Variants in PTPN13 observed in about 807,000 individuals in gnomAD.
PTPN13 encodes protein tyrosine phosphatase non-receptor type 13, also known as tyrosine-protein phosphatase non-receptor type 13.
PTPN13 carries 191 observed loss-of-function variants against 284.0 expected under a neutral mutation model. The observed-to-expected ratio is 0.67, with a 90% CI of 0.60 to 0.76. PTPN13 has a LOEUF of 0.76. PTPN13 is among the 30% of genes least tolerant of loss of function. The probability of loss-of-function intolerance (pLI) is 0.00; values close to 1 mark genes in which losing one functional copy is unlikely to be tolerated. For synonymous variants in PTPN13, 986 were observed against 1,022.3 expected, an observed-to-expected ratio of 0.96 and a Z score of 0.68; for missense variants, 2,797 against 2,939.9, an observed-to-expected ratio of 0.95 and a Z score of 1.12.
intron 15 of PTPN13, among the ~76,000 whole-genome samples, chr4:86,739,395 C>T (rs1177750862): frequency 6.6e-6 from 1 of 152,120 alleles, no homozygotes. Context: ...GCCTCACAAT[C>T]ACGGTGGAAG....
chr4:86,629,104 A>C (rs1201529530), intron 1 of PTPN13, among the ~76,000 whole-genome samples: 7 of 151,026 alleles, frequency 4.6e-5, no homozygotes, highest in Non-Finnish European at 8.9e-5. Context: ...AATGGGATCT[A>C]ATTAAACTCA....
At chr4:86,658,429 G>C (rs1266281591) in intron 2 of PTPN13, among the ~76,000 whole-genome samples, 1 of 152,090 alleles carries the variant, frequency 6.6e-6, no homozygotes, top group Non-Finnish European at 1.5e-5. Context: ...TGATCTTTTT[G>C]TTCTTATGAA....
At chr4:86,761,537 C>G (rs1019974488) in intron 23 of PTPN13, among the ~76,000 whole-genome samples, 2 of 152,122 alleles carry the variant, frequency 1.3e-5, no homozygotes, top group South Asian at 4.1e-4. Context: ...ATAGACTAAC[C>G]AAGTAGATAT....
At chr4:86,693,719 C>T in intron 6 of PTPN13, 45 bp downstream of exon 6, 1 of 1,361,560 alleles carries the variant, frequency 7.3e-7, no homozygotes, top group Non-Finnish European at 9.9e-7. Flanking sequence ...AACCTTATCC[C>T]ATTGTTTTCT....
chr4:86,800,875 C>G (rs1328652960), intron 42 of PTPN13, among the ~76,000 whole-genome samples: 1 of 152,184 alleles, frequency 6.6e-6, no homozygotes, highest in African/African-American at 2.4e-5. Context: ...ACATGCAGTT[C>G]TGTAAAAGTT....
At chr4:86,660,725 G>A (rs916122922) in intron 2 of PTPN13, among the ~76,000 whole-genome samples, 4 of 152,082 alleles carry the variant, frequency 2.6e-5, no homozygotes, top group Non-Finnish European at 1.5e-5. Flanking sequence ...TATATAACAT[G>A]CTTAATATGA....
chr4:86,758,793 A>T lies in PTPN13; in HGVS notation c.3421+8A>T, dbSNP rs1738319277. 3 of 1,609,556 alleles carry T rather than the reference A, an allele frequency of 1.9e-6. No homozygotes were observed. The highest frequency in any genetic ancestry group is 1.1e-5 in the South Asian group (1 of 90,438). ...ATGGATGCTTGAAGCCAGGTACTTTACATTTTGGTAGTTTTCTAAGTATTT... is the reference window on the plus strand; with the variant it reads ...ATGGATGCTTGAAGCCAGGTACTTTTCATTTTGGTAGTTTTCTAAGTATTT... On this transcript the variant is annotated splice_region_variant and intron_variant, in intron 22 of 47. Coordinates refer to ENST00000411767, the MANE Select transcript of PTPN13 (RefSeq NM_080683.3).
At chr4:86,685,662 T>C (rs561239553) in intron 3 of PTPN13, among the ~76,000 whole-genome samples, 1 of 152,324 alleles carries the variant, frequency 6.6e-6, no homozygotes, top group South Asian at 2.1e-4. Flanking sequence ...TATTGGTCAA[T>C]TTTTAGATTG....
intron 3 of PTPN13, among the ~76,000 whole-genome samples, chr4:86,674,638 A>G (rs1324877040): frequency 6.6e-6 from 1 of 152,216 alleles, no homozygotes; most frequent in East Asian, 1.9e-4. Flanking sequence ...ACAAGCAACC[A>G]TTGAAAGGAG....
chr4:86,690,504 C>G (rs1578421868), intron 5 of PTPN13, among the ~76,000 whole-genome samples: 1 of 152,114 alleles, frequency 6.6e-6, no homozygotes, highest in African/African-American at 2.4e-5. Flanking sequence ...ATTTCCCAAA[C>G]TTTCTTGGTC....
intron 1 of PTPN13, among the ~76,000 whole-genome samples, chr4:86,607,157 T>TA (rs1445843449): frequency 6.6e-6 from 1 of 151,768 alleles, no homozygotes; most frequent in Non-Finnish European, 1.5e-5. Context: ...ATCTTTTTTT[T>TA]AAAAAAAGTC....
At chr4:86,686,517 A>G (rs930572895) in intron 3 of PTPN13, among the ~76,000 whole-genome samples, 193 bp from the exon 4 acceptor site, 1 of 152,230 alleles carries the variant, frequency 6.6e-6, no homozygotes, top group African/African-American at 2.4e-5. Flanking sequence ...TTAGGAAAAC[A>G]TCTGTTGTAA....
At chr4:86,715,131 A>G (rs1732868807) in intron 7 of PTPN13, among the ~76,000 whole-genome samples, 1 of 152,196 alleles carries the variant, frequency 6.6e-6, no homozygotes, top group African/African-American at 2.4e-5. Context: ...ACACAGGTAC[A>G]GAATTCGTTT....
chr4:86,741,764 G>C lies in PTPN13; in HGVS notation c.2435G>C (p.Arg812Pro). 1.9e-6 allele frequency: 3 copies of C among 1,612,242 alleles called. No homozygotes were observed. The highest frequency in any genetic ancestry group is 2.5e-6 in the Non-Finnish European group (3 of 1,179,038). ...VLVFEVHNGV[R>P]TLVLRFPWRE... ...GTGTTTGAAGTTCACAATGGAGTGC[G>C]CACATTGGTCCTTCGCTTTCCATGG... Residue 812 changes from arginine to proline, a missense_variant, in exon 16 of 48, where the codon CGC becomes CCC. By Grantham distance (103) the Arg-to-Pro change is moderately radical. Coordinates refer to ENST00000411767, the MANE Select transcript of PTPN13 (RefSeq NM_080683.3).
chr4:86,601,910 A>T (rs530361934), intron 1 of PTPN13, among the ~76,000 whole-genome samples: 4 of 152,156 alleles, frequency 2.6e-5, no homozygotes, highest in Non-Finnish European at 5.9e-5. Flanking sequence ...CAGACACTCT[A>T]CTAGGCACTG....
chr4:86,626,533 A>G (rs1185065942), intron 1 of PTPN13, among the ~76,000 whole-genome samples: 2 of 152,092 alleles, frequency 1.3e-5, no homozygotes, highest in Admixed American at 6.6e-5. Context: ...ATCTATAACT[A>G]CTTCTAATGG....
At chr4:86,619,262 T>G (rs1720946022) in intron 1 of PTPN13, among the ~76,000 whole-genome samples, 1 of 152,190 alleles carries the variant, frequency 6.6e-6, no homozygotes. Flanking sequence ...AGAAAATAAA[T>G]GGAAGAGTAA....
At position 86,739,838 on chromosome 4, in the gene PTPN13, C is replaced by G. The variant is rs767620380; in HGVS notation, c.2305-1796C>G. Among the ~76,000 whole-genome samples, 66 of 152,312 alleles carry G rather than the reference C, an allele frequency of 4.3e-4. 1 individual carries two copies. Among genetic ancestry groups the G allele is most frequent in the Admixed American group, 1.2e-3 (19 of 15,298 alleles). Reference sequence around the variant, plus strand: ...GGGGGTTACAGGCATTGGGTAAATACAGCCATTCCAAATGGGAGAAATTAG... The same window carrying G: ...GGGGGTTACAGGCATTGGGTAAATAGAGCCATTCCAAATGGGAGAAATTAG... On this transcript the variant is annotated intron_variant, in intron 15 of 47. Coordinates refer to ENST00000411767, the MANE Select transcript of PTPN13 (RefSeq NM_080683.3).
At chr4:86,682,070 G>A (rs954880442) in intron 3 of PTPN13, among the ~76,000 whole-genome samples, 1 of 152,112 alleles carries the variant, frequency 6.6e-6, no homozygotes, top group Non-Finnish European at 1.5e-5. Context: ...GCTTATGATA[G>A]TAGTGTTATA....
Sources: gnomAD v4.1 joint callset for allele counts (sites outside exome capture counted in the v4.1 genomes callset) on GRCh38, gnomAD v4.1.1 for gene constraint, MANE v1.5 for transcripts, NCBI Gene and HGNC (gene_info 2026-07-23, HGNC 2026-07-21) for gene names.